RFX7: variants seen among roughly 807,000 people sequenced by gnomAD.
The protein encoded by RFX7 is DNA-binding protein RFX7.
In RFX7, 26 loss-of-function variants were observed where a neutral mutation model predicts 111.8. The observed-to-expected ratio is 0.23, with a 90% confidence interval of 0.17 to 0.32. The LOEUF is 0.32. RFX7 is among the 10% of genes least tolerant of loss of function. The pLI is 1.00. For synonymous variants in RFX7, 624 were observed against 624.4 expected (o/e 1.00, Z 0.01); for missense variants, 1,573 against 1,772.9 (o/e 0.89, Z 2.02).
Position 56,127,692 on chromosome 15 carries a change from C to T in RFX7, c.401+15086G>A, listed in dbSNP as rs193231632. ...CCTCCCATGTAGCTGGGACTACAGG[C>T]GCGCGCCACCATGCCCGGCTAATTT... On this transcript the variant is annotated intron_variant, in intron 5 of 9. Coordinates refer to ENST00000559447, the MANE Select transcript of RFX7 (RefSeq NM_022841.7). 2.6e-3 allele frequency among the ~76,000 whole-genome samples: 394 copies of T among 151,554 alleles called. 5 individuals carry two copies. In the East Asian group the frequency reaches 0.043, roughly 16 times the overall value.
chr15:56,112,367 C>A (rs2041949585), intron 5 of RFX7, among the ~76,000 whole-genome samples: 1 of 30,384 alleles, frequency 3.3e-5, no homozygotes, highest in Non-Finnish European at 6.8e-5. Flanking sequence ...TAAAAAATAT[C>A]AGAGTACAAA....
intron 5 of RFX7, among the ~76,000 whole-genome samples, chr15:56,113,724 A>C (rs1175385318): frequency 6.6e-6 from 1 of 152,082 alleles, no homozygotes; most frequent in South Asian, 2.1e-4. Context: ...TTACATCATT[A>C]AATTTTTTCC....
intron 2 of RFX7, among the ~76,000 whole-genome samples, chr15:56,189,235 T>A (rs1306035045): frequency 7.2e-5 from 11 of 151,992 alleles, no homozygotes; most frequent in Admixed American, 4.6e-4. Flanking sequence ...AATTTTTTTT[T>A]AAAAAGCCAG....
chr15:56,111,008 C>A (rs1317730390), intron 5 of RFX7, among the ~76,000 whole-genome samples: 3 of 52,234 alleles, frequency 5.7e-5, no homozygotes, highest in Non-Finnish European at 4.4e-5. Flanking sequence ...CCAGCCACCC[C>A]GTCTGGGAGG....
At chr15:56,232,555 C>A (rs574244043) in intron 2 of RFX7, among the ~76,000 whole-genome samples, 1 of 152,162 alleles carries the variant, frequency 6.6e-6, no homozygotes, top group African/African-American at 2.4e-5. Context: ...ATGCAAATTT[C>A]TGCAGCAGGC....
At chr15:56,104,015 G>A (rs2041796127) in intron 5 of RFX7, among the ~76,000 whole-genome samples, 1 of 152,154 alleles carries the variant, frequency 6.6e-6, no homozygotes. Context: ...TATGTATCAG[G>A]CTCACATACT....
Position 56,142,821 on chromosome 15 carries a change from G to A in RFX7, c.358C>T (p.Pro120Ser), listed in dbSNP as rs373494060. The change falls in exon 5 of 10, where the codon CCG (proline) becomes TCG (serine). Residue 120 changes from proline (P) to serine (S), a missense_variant. By Grantham distance (74) the Pro-to-Ser change is moderately conservative. Coordinates refer to ENST00000559447, the MANE Select transcript of RFX7 (RefSeq NM_022841.7). ...TCCTGTTTGGGCAGTGAAGTCTCCG[G>A]ATGTTCCTCTAGGGTATTCCGAATC... ...SWIRNTLEEH[P>S]ETSLPKQEVY... 1 of 1,613,292 alleles carries A rather than the reference G, an allele frequency of 6.2e-7. No homozygotes were observed. The highest frequency in any genetic ancestry group is 1.3e-5 in the African/African-American group (1 of 74,866).
At chr15:56,136,096 C>T (rs1282365225) in intron 5 of RFX7, among the ~76,000 whole-genome samples, 10 of 152,032 alleles carry the variant, frequency 6.6e-5, no homozygotes, top group African/African-American at 7.2e-5. Context: ...CTTGGCGATG[C>T]GGGCTCTTTT....
chr15:56,207,095 C>G, intron 2 of RFX7, among the ~76,000 whole-genome samples: 1 of 152,076 alleles, frequency 6.6e-6, no homozygotes, highest in East Asian at 1.9e-4. Context: ...ATTCCTGTAT[C>G]AAAATATCTC....
At chr15:56,229,450 A>T (rs1346424752) in intron 2 of RFX7, among the ~76,000 whole-genome samples, 4 of 152,130 alleles carry the variant, frequency 2.6e-5, no homozygotes, top group Non-Finnish European at 5.9e-5. Flanking sequence ...TATTTTTAGT[A>T]GAGACGGGGT....
chr15:56,169,318 C>G (rs759180919), intron 3 of RFX7, among the ~76,000 whole-genome samples: 3 of 152,178 alleles, frequency 2.0e-5, no homozygotes, highest in Non-Finnish European at 4.4e-5. Context: ...TCAGTAATTC[C>G]ATATGGTGAG....
chr15:56,208,308 C>G (rs2043276434), intron 2 of RFX7, among the ~76,000 whole-genome samples: 1 of 152,140 alleles, frequency 6.6e-6, no homozygotes, highest in Non-Finnish European at 1.5e-5. Context: ...CCAGACCAGT[C>G]TAGCCATCCT....
At chr15:56,139,592 G>T (rs1338422694) in intron 5 of RFX7, among the ~76,000 whole-genome samples, 5 of 151,876 alleles carry the variant, frequency 3.3e-5, no homozygotes, top group Non-Finnish European at 4.4e-5. Context: ...TAATTTGATC[G>T]TCTGAAGCCT....
intron 6 of RFX7, among the ~76,000 whole-genome samples, chr15:56,103,125 T>A (rs1043389818): frequency 6.3e-5 from 9 of 143,224 alleles, no homozygotes; most frequent in Non-Finnish European, 1.1e-4. Context: ...TAAAGTTCCA[T>A]AAGATTTTTT....
intron 5 of RFX7, among the ~76,000 whole-genome samples, chr15:56,108,541 G>T (rs1237589392): frequency 6.6e-6 from 1 of 151,834 alleles, no homozygotes; most frequent in Non-Finnish European, 1.5e-5. Context: ...GGTATTGATG[G>T]AACATATCTC....
chr15:56,204,416 A>G (rs2043229940), intron 2 of RFX7, among the ~76,000 whole-genome samples: 1 of 152,152 alleles, frequency 6.6e-6, no homozygotes, highest in African/African-American at 2.4e-5. Context: ...TGAAAAAAAC[A>G]CTTTATTTTC....
At chr15:56,163,998 G>C (rs535785711) in intron 3 of RFX7, among the ~76,000 whole-genome samples, 1 of 152,280 alleles carries the variant, frequency 6.6e-6, no homozygotes, top group African/African-American at 2.4e-5. Flanking sequence ...TAGAACATAG[G>C]TAAGAAAAAT....
intron 5 of RFX7, among the ~76,000 whole-genome samples, chr15:56,116,928 A>G (rs1197811987): frequency 1.3e-5 from 2 of 152,214 alleles, no homozygotes; most frequent in Admixed American, 1.3e-4. Context: ...AGTATATTGT[A>G]TAACATCATT....
chr15:56,153,052 A>G (rs1308420369), intron 3 of RFX7, among the ~76,000 whole-genome samples: 1 of 152,224 alleles, frequency 6.6e-6, no homozygotes, highest in Admixed American at 6.5e-5. Context: ...AAGCTCTGAA[A>G]TTGAGGCAGT....
Sources: allele counts gnomAD v4.1 joint callset (sites outside exome capture counted in the v4.1 genomes callset), GRCh38; gene constraint gnomAD v4.1.1; transcripts MANE v1.5; gene names NCBI Gene and HGNC (gene_info 2026-07-23, HGNC 2026-07-21).